The following IMMP2L variants were observed in gnomAD, a reference collection of about 807,000 sequenced individuals.
IMMP2L encodes the protein mitochondrial inner membrane protease subunit 2.
IMMP2L carries 18 observed loss-of-function variants against 19.3 expected under a neutral mutation model. The observed-to-expected ratio is 0.93, with a 90% CI of 0.64 to 1.38. IMMP2L has a LOEUF of 1.38. Among genes scored for constraint, IMMP2L ranks in the 40% most tolerant of loss-of-function variants. The pLI is 0.00. For missense variants in IMMP2L, 233 were observed against 218.2 expected (o/e 1.07, Z -0.43); for synonymous variants, 76 against 73.0 (o/e 1.04, Z -0.21).
rs200943956 is a variant in IMMP2L, at chr7:111,290,494, G to A, written c.239+196744C>T. ...AATCTGTGTTTATTTAAGCATGATT[G>A]ACTTCTTTTTAAAAAAAAAAAAAAT... On this transcript the variant is annotated intron_variant, in intron 3 of 5. Coordinates refer to ENST00000405709, the MANE Select transcript of IMMP2L (RefSeq NM_032549.4). Among the ~76,000 whole-genome samples the A allele has an allele frequency of 1.6e-4, 24 of 150,752 alleles. No individual in the cohort carries two copies. The East Asian group carries it at 4.7e-3, about 29-fold the overall frequency.
rs1209806642 is a variant in IMMP2L at position 111,443,210 on chromosome 7, T to G, written c.239+44028A>C. Among the ~76,000 whole-genome samples, 5 of 151,930 alleles carry G rather than the reference T, an allele frequency of 3.3e-5. 1 individual carries two copies. The highest frequency in any genetic ancestry group is 1.2e-4 in the African/African-American group (5 of 41,188). On this transcript the variant is annotated intron_variant, in intron 3 of 5. Coordinates refer to ENST00000405709, the MANE Select transcript of IMMP2L (RefSeq NM_032549.4). ...GAAAATAAAGCTCCAAAAAGGTAATTCACACATGGCTACATGATATATCAG... is the reference window on the plus strand; with the variant it reads ...GAAAATAAAGCTCCAAAAAGGTAATGCACACATGGCTACATGATATATCAG...
chr7:111,036,512 C>G (rs1437085146), intron 3 of IMMP2L, among the ~76,000 whole-genome samples: 5 of 152,058 alleles, frequency 3.3e-5, no homozygotes, highest in Non-Finnish European at 7.4e-5. Context: ...TAGAATTTAT[C>G]TCTAGACACT....
chr7:111,043,425 G>C (rs1031565445), intron 3 of IMMP2L, among the ~76,000 whole-genome samples: 1 of 152,104 alleles, frequency 6.6e-6, no homozygotes, highest in African/African-American at 2.4e-5. Context: ...TATTTATACA[G>C]TACTCAAAAA....
At chr7:111,172,541 AT>A (rs1303305362) in intron 3 of IMMP2L, among the ~76,000 whole-genome samples, 2 of 151,514 alleles carry the variant, frequency 1.3e-5, no homozygotes, top group Non-Finnish European at 3.0e-5. Flanking sequence ...TATATAATAC[AT>A]TGCTGCTAAT....
chr7:111,162,790 A>C (rs1450479964), intron 3 of IMMP2L, among the ~76,000 whole-genome samples: 2 of 152,010 alleles, frequency 1.3e-5, no homozygotes, highest in Admixed American at 1.3e-4. Flanking sequence ...CTTGGTGGAT[A>C]AAAACTGCAA....
intron 3 of IMMP2L, among the ~76,000 whole-genome samples, chr7:111,077,385 G>A (rs1289663077): frequency 9.9e-5 from 15 of 152,114 alleles, no homozygotes; most frequent in African/African-American, 1.4e-4. Flanking sequence ...CTCTTCTCTC[G>A]GAATCCCGCC....
chr7:111,307,617 T>C (rs906841563), intron 3 of IMMP2L, among the ~76,000 whole-genome samples: 8 of 151,534 alleles, frequency 5.3e-5, no homozygotes, highest in Non-Finnish European at 1.2e-4. Context: ...ATTTTATATA[T>C]ATAGTATTTA....
intron 5 of IMMP2L, among the ~76,000 whole-genome samples, chr7:110,756,288 G>A (rs1480200713): frequency 2.0e-5 from 3 of 152,180 alleles, no homozygotes; most frequent in South Asian, 2.1e-4. Flanking sequence ...CTGGCTCATG[G>A]AGAATAAAGA....
At chr7:110,863,547 C>T (rs901883360) in intron 5 of IMMP2L, among the ~76,000 whole-genome samples, 4 of 152,058 alleles carry the variant, frequency 2.6e-5, no homozygotes, top group African/African-American at 9.7e-5. Flanking sequence ...TTTCATCTTT[C>T]CCCCGGCTAG....
intron 2 of IMMP2L, among the ~76,000 whole-genome samples, chr7:111,520,420 C>T (rs1203891779): frequency 6.6e-6 from 1 of 152,026 alleles, no homozygotes; most frequent in East Asian, 1.9e-4. Context: ...ACTACCAGAA[C>T]TCAGGGAGAA....
At chr7:111,396,362 A>T (rs954212480) in intron 3 of IMMP2L, among the ~76,000 whole-genome samples, 1 of 152,122 alleles carries the variant, frequency 6.6e-6, no homozygotes, top group African/African-American at 2.4e-5. Context: ...TTGCAGGGAC[A>T]TGGATAAAGC....
At chr7:110,983,081 T>G (rs1821472972) in intron 3 of IMMP2L, among the ~76,000 whole-genome samples, 2 of 152,022 alleles carry the variant, frequency 1.3e-5, no homozygotes. Context: ...AAATAAATCC[T>G]GAAATGAAAA....
chr7:111,371,516 G>C (rs1830262445), intron 3 of IMMP2L, among the ~76,000 whole-genome samples: 1 of 151,946 alleles, frequency 6.6e-6, no homozygotes, highest in Admixed American at 6.6e-5. Context: ...ATATGCCTAA[G>C]GCATCCATCA....
At chr7:110,748,228 C>T (rs944446172) in intron 5 of IMMP2L, among the ~76,000 whole-genome samples, 5 of 152,230 alleles carry the variant, frequency 3.3e-5, no homozygotes, top group Non-Finnish European at 7.4e-5. Context: ...CTATAAACCA[C>T]TGCTCAAAGA....
At chr7:110,779,632 T>C (rs1799608444) in intron 5 of IMMP2L, among the ~76,000 whole-genome samples, 1 of 151,924 alleles carries the variant, frequency 6.6e-6, no homozygotes. Flanking sequence ...GACAGATGGC[T>C]TATCTAGTAC....
rs111907963 is a variant in IMMP2L, at chr7:110,775,964, T to TAA, written c.408+110627_408+110628dup. On this transcript the variant is annotated intron_variant, in intron 5 of 5. Transcript: ENST00000405709. ...ATAAAATAAGCAAAATACACACATG[T>TAA]AAAAAAAAACGCATGAAAAATAACT... Among the ~76,000 whole-genome samples the TAA allele has an allele frequency of 9.8e-3, 1,475 of 150,422 alleles. 19 individuals carry two copies. The highest frequency in any genetic ancestry group is 0.034 in the African/African-American group (1,379 of 41,052).
At chr7:110,966,861 C>T (rs1181954140) in intron 3 of IMMP2L, among the ~76,000 whole-genome samples, 4 of 151,920 alleles carry the variant, frequency 2.6e-5, no homozygotes, top group South Asian at 4.2e-4. Context: ...AACTTCTCTT[C>T]GTCTTAATTT....
At chr7:111,058,189 A>C (rs995972551) in intron 3 of IMMP2L, among the ~76,000 whole-genome samples, 3 of 152,202 alleles carry the variant, frequency 2.0e-5, no homozygotes, top group African/African-American at 7.2e-5. Context: ...AGAGAGAAAA[A>C]AAGCCACATC....
chr7:111,257,026 C>T (rs1301970918), intron 3 of IMMP2L, among the ~76,000 whole-genome samples: 2 of 152,014 alleles, frequency 1.3e-5, no homozygotes, highest in African/African-American at 2.4e-5. Context: ...TATATTCCAG[C>T]CAAATGCCAC....
Sources: allele counts gnomAD v4.1 joint callset (sites outside exome capture counted in the v4.1 genomes callset), GRCh38; gene constraint gnomAD v4.1.1; transcripts MANE v1.5; gene names NCBI Gene and HGNC (gene_info 2026-07-23, HGNC 2026-07-21).